The following SLC35F5 variants were observed in gnomAD, a reference collection of about 807,000 sequenced individuals.
The protein encoded by SLC35F5 is solute carrier family 35 member F5.
A neutral mutation model predicts 68.6 loss-of-function variants in SLC35F5; 54 were observed. That is an observed-to-expected ratio of 0.79 (90% CI 0.63 to 0.99). The LOEUF (loss-of-function observed/expected upper bound fraction) is 0.99. Ranked by LOEUF, SLC35F5 falls within the 50% of genes least tolerant of loss-of-function variation. The pLI, the probability that SLC35F5 is intolerant of heterozygous loss-of-function variation, is 0.00. For missense variants in SLC35F5, 567 were observed against 626.9 expected, an observed-to-expected ratio of 0.90 and a Z score of 1.02; for synonymous variants, 211 against 205.2, an observed-to-expected ratio of 1.03 and a Z score of -0.24.
chr2:113,754,147 T>C (rs1676868544), intron 3 of SLC35F5, among the ~76,000 whole-genome samples: 1 of 151,612 alleles, frequency 6.6e-6, no homozygotes, highest in Non-Finnish European at 1.5e-5. Flanking sequence ...AAAATTAGCC[T>C]GGCGTGGTGG....
chr2:113,719,120 T>G (rs991194589), intron 14 of SLC35F5, 34 bp downstream of exon 14: 1 of 1,577,660 alleles, frequency 6.3e-7, no homozygotes, highest in Admixed American at 2.0e-5. Context: ...TAGCAAACAC[T>G]ATTTTTAAAA....
chr2:113,702,836 C>T (rs13395272), downstream of SLC35F5, among the ~76,000 whole-genome samples: 18,879 of 152,068 alleles, frequency 0.12, 1,232 homozygotes, highest in Non-Finnish European at 0.15. Flanking sequence ...GGGCCAGGCA[C>T]GGTGGCTCAC....
At chr2:113,748,806 T>G (rs1676620131) in intron 4 of SLC35F5, among the ~76,000 whole-genome samples, 1 of 146,050 alleles carries the variant, frequency 6.8e-6, no homozygotes, top group Non-Finnish European at 1.5e-5. Flanking sequence ...TTTTTAATTG[T>G]TTTTTATTTA....
intron 5 of SLC35F5, among the ~76,000 whole-genome samples, chr2:113,745,067 G>A (rs1205156641): frequency 6.6e-6 from 1 of 152,120 alleles, no homozygotes; most frequent in Non-Finnish European, 1.5e-5. Flanking sequence ...CAGTGGGTCT[G>A]GAAATAGACA....
At chr2:113,748,128 A>C (rs1373829660) in intron 4 of SLC35F5, among the ~76,000 whole-genome samples, 1 of 151,996 alleles carries the variant, frequency 6.6e-6, no homozygotes, top group Non-Finnish European at 1.5e-5. Flanking sequence ...GTACAGAAAC[A>C]CTACAATATG....
chr2:113,719,623 C>T (rs984136321), intron 13 of SLC35F5: 3 of 173,876 alleles, frequency 1.7e-5, no homozygotes, highest in African/African-American at 7.1e-5. Flanking sequence ...GGAAACTTTG[C>T]TCCTGCACAC....
At chr2:113,704,648 G>A (rs1237701721), downstream of SLC35F5, among the ~76,000 whole-genome samples, 1 of 152,040 alleles carries the variant, frequency 6.6e-6, no homozygotes, top group African/African-American at 2.4e-5. Context: ...GCTGGCCCGG[G>A]TGCTAAGCCC....
chr2:113,708,188 C>G lies in SLC35F5; in HGVS notation c.*7030G>C, dbSNP rs535499586. ...TTCAATTTTCCCAAATCCCAATCAA[C>G]TAGCTACAGTTTTTATTGTATGCAA... On this transcript the variant is annotated 3_prime_UTR_variant, in exon 16 of 16. Transcript: ENST00000245680. 6.6e-5 allele frequency among the ~76,000 whole-genome samples: 10 copies of G among 152,316 alleles called. No homozygotes were observed. In the South Asian group the frequency reaches 2.1e-3, roughly 32 times the overall value.
In SLC35F5 at chr2:113,709,874, CAAT is replaced by C. The variant is rs1686923551; in HGVS notation, c.*5341_*5343del. On this transcript the variant is annotated 3_prime_UTR_variant, in exon 16 of 16. Coordinates refer to ENST00000245680, the MANE Select transcript of SLC35F5 (RefSeq NM_025181.5). ...CTGCCCAGGCTGGACTGCAGTGGCCCAATAATAACTCACTGCAGCCTCGAACTC... is the reference window on the plus strand; with the variant it reads ...CTGCCCAGGCTGGACTGCAGTGGCCCAATAACTCACTGCAGCCTCGAACTC... Among the ~76,000 whole-genome samples, 1 of 152,160 alleles carries C rather than the reference CAAT, an allele frequency of 6.6e-6. No homozygotes were observed. Among genetic ancestry groups the C allele is most frequent in the East Asian group, 1.9e-4 (1 of 5,198 alleles).
At chr2:113,719,018 T>C (rs1171277504) in intron 14 of SLC35F5, 136 bp downstream of exon 14, 2 of 651,074 alleles carry the variant, frequency 3.1e-6, no homozygotes, top group Non-Finnish European at 4.7e-6. Context: ...TTATTTTATT[T>C]TCATCTGCCG....
rs886855772 is a variant in SLC35F5 at position 113,712,468 on chromosome 2, A to G, written c.*2750T>C. On this transcript the variant is annotated 3_prime_UTR_variant, in exon 16 of 16. Transcript: ENST00000245680. ...AGCAGCTGGGACTACAGGCGCCGCCACCACGCCCGGCTAATTCTTTGTATT... is the reference window on the plus strand; with the variant it reads ...AGCAGCTGGGACTACAGGCGCCGCCGCCACGCCCGGCTAATTCTTTGTATT... Among the ~76,000 whole-genome samples, 1 of 151,922 alleles carries G rather than the reference A, an allele frequency of 6.6e-6. No individual in the cohort carries two copies. The highest frequency in any genetic ancestry group is 2.4e-5 in the African/African-American group (1 of 41,348).
chr2:113,735,681 C>A, intron 8 of SLC35F5, 96 bp downstream of exon 8: 1 of 727,580 alleles, frequency 1.4e-6, no homozygotes, highest in Non-Finnish European at 2.2e-6. Context: ...ATGTAAGAAG[C>A]TATAACAAGA....
At chr2:113,706,044 A>C (rs552505098), downstream of SLC35F5, among the ~76,000 whole-genome samples, 2 of 152,222 alleles carry the variant, frequency 1.3e-5, no homozygotes, top group East Asian at 3.9e-4. Flanking sequence ...GTTCCAGAAT[A>C]TTTCTTGTAC....
rs1687123923 is a variant in SLC35F5, at chr2:113,714,977, G to A, written c.*241C>T. The A allele has an allele frequency of 1.3e-5, 2 of 152,580 alleles. No individual in the cohort carries two copies. The highest frequency in any genetic ancestry group is 2.9e-5 in the Non-Finnish European group (2 of 67,988). 9.5% of individuals were successfully genotyped at this position (152,580 alleles called of 1,614,324 possible). On this transcript the variant is annotated 3_prime_UTR_variant, in exon 16 of 16. Coordinates refer to ENST00000245680, the MANE Select transcript of SLC35F5 (RefSeq NM_025181.5). ...GATGTGTAAGGCAGGTTGGTCCTTT[G>A]GATGGACTGTAGACTGAAACTTCCT...
At chr2:113,750,671 C>A (rs1676699740) in intron 3 of SLC35F5, 103 bp from the exon 4 acceptor site, 7 of 1,051,082 alleles carry the variant, frequency 6.7e-6, no homozygotes, top group South Asian at 5.0e-5. Context: ...TTCAGAAGTT[C>A]ACTTGGAAAG....
intron 13 of SLC35F5, among the ~76,000 whole-genome samples, chr2:113,722,293 G>C (rs188953992): frequency 1.8e-3 from 267 of 152,196 alleles, no homozygotes; most frequent in Non-Finnish European, 3.1e-3. Context: ...AGAAAAATAG[G>C]TTTAAAATTT....
intron 5 of SLC35F5, 80 bp from the exon 6 acceptor site, chr2:113,743,874 G>T: frequency 8.8e-7 from 1 of 1,138,498 alleles, no homozygotes; most frequent in South Asian, 1.6e-5. Context: ...ATAGTACGTA[G>T]ACACAAATAC....
chr2:113,737,785 TTG>T lies in SLC35F5; in HGVS notation c.751-1929_751-1928del, dbSNP rs139940209. On this transcript the variant is annotated intron_variant, in intron 7 of 15. Transcript: ENST00000245680. ...CTCCCCAAACTCCATTCTCTGGCTC[TTG>T]TTTCCACAGCACCCTCATCACCAAA... Among the ~76,000 whole-genome samples the T allele has an allele frequency of 8.4e-3, 1,273 of 152,296 alleles. 21 individuals are homozygous for T. Among genetic ancestry groups the T allele is most frequent in the African/African-American group, 0.028 (1,171 of 41,568 alleles).
At chr2:113,722,902 G>A (rs1379886365) in intron 13 of SLC35F5, among the ~76,000 whole-genome samples, 4 of 152,032 alleles carry the variant, frequency 2.6e-5, no homozygotes, top group Admixed American at 2.6e-4. Context: ...GAAATTTAGG[G>A]AAAAAAATGG....
Sources: allele counts gnomAD v4.1 joint callset (sites outside exome capture counted in the v4.1 genomes callset), GRCh38; gene constraint gnomAD v4.1.1; transcripts MANE v1.5; gene names NCBI Gene and HGNC (gene_info 2026-07-23, HGNC 2026-07-21).